The following TLK1 variants were observed in gnomAD, a reference collection of about 807,000 sequenced individuals.
TLK1 encodes the protein tousled like kinase 1.
A neutral mutation model predicts 105.3 loss-of-function variants in TLK1; 24 were observed. The ratio of observed to expected loss-of-function variants is 0.23; its 90% CI spans 0.17 to 0.32. The LOEUF is 0.32. Among genes scored for constraint, TLK1 ranks in the 10% least tolerant of loss-of-function variants. The pLI is 1.00. For synonymous variants in TLK1, 321 were observed against 310.4 expected (o/e 1.03, Z -0.36); for missense variants, 558 against 910.5 (o/e 0.61, Z 4.98).
chr2:171,143,191 T>C (rs375313982), intron 1 of TLK1, among the ~76,000 whole-genome samples: 1 of 152,154 alleles, frequency 6.6e-6, no homozygotes, highest in Admixed American at 6.5e-5. Flanking sequence ...GGTAAATGAA[T>C]AGACAAGTAA....
chr2:171,003,045 C>CGG (rs1000008201), intron 18 of TLK1, among the ~76,000 whole-genome samples: 1 of 151,720 alleles, frequency 6.6e-6, no homozygotes. Flanking sequence ...GAGGCCGAGG[C>CGG]GGGTGGATCA....
intron 1 of TLK1, among the ~76,000 whole-genome samples, chr2:171,207,650 G>C (rs577380492): frequency 6.6e-6 from 1 of 152,098 alleles, no homozygotes; most frequent in Admixed American, 6.6e-5. Context: ...TATACTTTCT[G>C]TTTGATTTTG....
chr2:171,171,085 G>A (rs1286174573), intron 1 of TLK1, among the ~76,000 whole-genome samples: 2 of 152,150 alleles, frequency 1.3e-5, no homozygotes, highest in Non-Finnish European at 2.9e-5. Flanking sequence ...ATATTTTTAT[G>A]ATCTTAAGTT....
At chr2:171,037,508 A>G (rs1390778009) in intron 11 of TLK1, among the ~76,000 whole-genome samples, 1 of 151,936 alleles carries the variant, frequency 6.6e-6, no homozygotes, top group Non-Finnish European at 1.5e-5. Context: ...AGCAAAAGTA[A>G]AAAGGAAAGC....
intron 14 of TLK1, among the ~76,000 whole-genome samples, chr2:171,010,424 T>C (rs1375280009): frequency 6.6e-6 from 1 of 152,142 alleles, no homozygotes; most frequent in African/African-American, 2.4e-5. Context: ...CCACATGAGG[T>C]AAGTCATGTA....
intron 1 of TLK1, among the ~76,000 whole-genome samples, chr2:171,179,966 G>A (rs1284420628): frequency 6.6e-6 from 1 of 152,008 alleles, no homozygotes; most frequent in Non-Finnish European, 1.5e-5. Flanking sequence ...GTGGTGGCAT[G>A]TGGCTGTAAT....
At position 171,153,538 on chromosome 2, in the gene TLK1, G is replaced by A. The variant is rs150301313; in HGVS notation, c.139+6752C>T. Among the ~76,000 whole-genome samples the A allele has an allele frequency of 4.8e-3, 733 of 152,224 alleles. 5 individuals are homozygous for A. The highest frequency in any genetic ancestry group is 0.016 in the African/African-American group (681 of 41,548). ...ATGTCCTCCTGTGCACTGAAAATAC[G>A]AAAATGAACAAAATATAGTCTCTGA... On this transcript the variant is annotated intron_variant, in intron 1 of 20. Transcript: ENST00000431350.
chr2:171,141,757 GA>G (rs1015935815), intron 1 of TLK1, among the ~76,000 whole-genome samples: 1 of 149,038 alleles, frequency 6.7e-6, no homozygotes, highest in Non-Finnish European at 1.5e-5. Flanking sequence ...GAATAAAAAT[GA>G]AAAAAAAGCA....
chr2:171,206,122 C>T (rs1338938741), intron 1 of TLK1, among the ~76,000 whole-genome samples: 1 of 152,146 alleles, frequency 6.6e-6, no homozygotes, highest in African/African-American at 2.4e-5. Flanking sequence ...ATGGCCAAAT[C>T]CCTCACAGAA....
intron 1 of TLK1, among the ~76,000 whole-genome samples, chr2:171,135,837 A>T (rs181811971): frequency 2.8e-4 from 43 of 152,250 alleles, no homozygotes; most frequent in East Asian, 9.7e-4. Flanking sequence ...AAATGTAAAT[A>T]AAAAAATACA....
intron 10 of TLK1, among the ~76,000 whole-genome samples, chr2:171,049,593 T>G (rs1373184136): frequency 6.6e-6 from 1 of 152,216 alleles, no homozygotes; most frequent in Non-Finnish European, 1.5e-5. Context: ...AAAGTCAGAA[T>G]TAGAATAATA....
intron 18 of TLK1, among the ~76,000 whole-genome samples, chr2:171,002,941 C>T (rs1009882540): frequency 1.8e-4 from 27 of 151,900 alleles, no homozygotes; most frequent in African/African-American, 6.0e-4. Flanking sequence ...CCGTGCACGG[C>T]TTCCATTTTC....
chr2:171,084,149 A>C (rs972419812), intron 2 of TLK1, among the ~76,000 whole-genome samples: 1 of 152,204 alleles, frequency 6.6e-6, no homozygotes, highest in Admixed American at 6.5e-5. Context: ...TCAATATGGG[A>C]GGAAACAGAA....
chr2:171,004,905 C>T (rs1684575517), intron 18 of TLK1, among the ~76,000 whole-genome samples: 1 of 152,136 alleles, frequency 6.6e-6, no homozygotes, highest in African/African-American at 2.4e-5. Context: ...ATTATCTTAT[C>T]CATGTTCCTA....
chr2:171,021,632 T>C (rs1685512486), intron 12 of TLK1, among the ~76,000 whole-genome samples: 1 of 152,138 alleles, frequency 6.6e-6, no homozygotes, highest in Non-Finnish European at 1.5e-5. Flanking sequence ...TTTACAGTTA[T>C]GATTGGGAAG....
At chr2:171,082,250 T>G (rs1436820095) in intron 3 of TLK1, among the ~76,000 whole-genome samples, 1 of 152,094 alleles carries the variant, frequency 6.6e-6, no homozygotes, top group African/African-American at 2.4e-5. Context: ...TCCCAGATAT[T>G]TTCTTGGTGG....
At position 171,160,284 on chromosome 2, in the gene TLK1, G is replaced by T. The variant is rs756206497; in HGVS notation, c.139+6C>A. ...CGCGAGCGGGCGCGGGCGCGGCGGT[G>T]CTTACCTTCCCTGGGCCTCCCGGAT... is the stretch of plus-strand genomic sequence containing the variant. On this transcript the variant is annotated splice_donor_region_variant and intron_variant, in intron 1 of 20. Coordinates refer to ENST00000431350, the MANE Select transcript of TLK1 (RefSeq NM_012290.5). The surrounding 1 kb of genome is among the most constrained non-coding windows in gnomAD (Gnocchi z 4.4). 6.4e-7 allele frequency: 1 copy of T among 1,561,498 alleles called. No homozygotes were observed. The highest frequency in any genetic ancestry group is 1.2e-5 in the South Asian group (1 of 86,020).
intron 1 of TLK1, among the ~76,000 whole-genome samples, chr2:171,133,266 T>A (rs888552389): frequency 3.3e-5 from 5 of 152,004 alleles, no homozygotes; most frequent in African/African-American, 1.2e-4. Flanking sequence ...CAGTGACAGA[T>A]AAGAAAAGTA....
intron 1 of TLK1, among the ~76,000 whole-genome samples, chr2:171,149,044 A>G (rs1376959105): frequency 6.8e-6 from 1 of 147,570 alleles, no homozygotes; most frequent in South Asian, 2.1e-4. Context: ...GTCACTATAT[A>G]ATACTGTGGT....
Sources: allele counts gnomAD v4.1 joint callset (sites outside exome capture counted in the v4.1 genomes callset), GRCh38; gene constraint gnomAD v4.1.1; non-coding constraint Gnocchi (gnomAD v3.1); transcripts MANE v1.5; gene names NCBI Gene and HGNC (gene_info 2026-07-23, HGNC 2026-07-21).